ADGRB3: variants seen among roughly 807,000 people sequenced by gnomAD.
The protein encoded by ADGRB3 is adhesion G protein-coupled receptor B3.
ADGRB3 carries 37 observed loss-of-function variants against 193.4 expected under a neutral mutation model. The ratio of observed to expected loss-of-function variants is 0.19; its 90% confidence interval spans 0.15 to 0.25. The LOEUF is 0.25. ADGRB3 is among the 10% of genes least tolerant of loss of function. The pLI, the probability that ADGRB3 is intolerant of heterozygous loss-of-function variation, is 1.00. For synonymous variants in ADGRB3, 690 were observed against 644.2 expected (o/e 1.07, Z -1.08); for missense variants, 1,637 against 1,852.9 (o/e 0.88, Z 2.14).
chr6:68,830,190 T>C (rs1261379697), intron 3 of ADGRB3, among the ~76,000 whole-genome samples: 1 of 152,186 alleles, frequency 6.6e-6, no homozygotes, highest in Non-Finnish European at 1.5e-5. Flanking sequence ...CATTAGCAAG[T>C]ATTATTTTTG....
At chr6:68,753,153 AT>A (rs2127347993) in intron 3 of ADGRB3, among the ~76,000 whole-genome samples, 1 of 152,300 alleles carries the variant, frequency 6.6e-6, no homozygotes, top group Non-Finnish European at 1.5e-5. Context: ...ATAATACACT[AT>A]CCATGATTTT....
chr6:68,656,536 T>G (rs888927870), intron 3 of ADGRB3, among the ~76,000 whole-genome samples: 2 of 151,612 alleles, frequency 1.3e-5, no homozygotes, highest in African/African-American at 4.8e-5. Flanking sequence ...CAACATAAAC[T>G]TGTAAATTTG....
chr6:68,900,799 C>T (rs1382504998), intron 3 of ADGRB3, among the ~76,000 whole-genome samples: 1 of 152,088 alleles, frequency 6.6e-6, no homozygotes, highest in African/African-American at 2.4e-5. Context: ...TGAACCATTT[C>T]CATCATAGAA....
At chr6:69,006,507 T>C (rs1448790475) in intron 11 of ADGRB3, among the ~76,000 whole-genome samples, 2 of 151,880 alleles carry the variant, frequency 1.3e-5, no homozygotes. Flanking sequence ...GAGTCTTTTT[T>C]TTTTTCTTTT....
intron 3 of ADGRB3, among the ~76,000 whole-genome samples, chr6:68,865,452 T>C (rs572306988): frequency 1.4e-4 from 21 of 152,238 alleles, no homozygotes; most frequent in African/African-American, 4.6e-4. Context: ...GAAGAAATCC[T>C]GATTCTCTCA....
chr6:68,955,889 G>A (rs558869261), intron 6 of ADGRB3, 135 bp from the exon 7 acceptor site: 3 of 744,500 alleles, frequency 4.0e-6, no homozygotes, highest in East Asian at 3.0e-5. Flanking sequence ...TCTCATGCTG[G>A]TGTGACCTTC....
At chr6:69,237,944 C>G (rs1218316629) in intron 19 of ADGRB3, among the ~76,000 whole-genome samples, 2 of 151,950 alleles carry the variant, frequency 1.3e-5, no homozygotes, top group Admixed American at 1.3e-4. Flanking sequence ...CTAAGTTAGT[C>G]CCATTTGAGT....
At chr6:69,096,632 G>A (rs1228437714) in intron 17 of ADGRB3, among the ~76,000 whole-genome samples, 1 of 152,054 alleles carries the variant, frequency 6.6e-6, no homozygotes, top group Non-Finnish European at 1.5e-5. Context: ...CATAGTTTGT[G>A]CTTAACTTTT....
chr6:69,198,305 T>G (rs1460444460), intron 17 of ADGRB3, among the ~76,000 whole-genome samples: 7 of 152,062 alleles, frequency 4.6e-5, no homozygotes, highest in Admixed American at 4.6e-4. Flanking sequence ...CCAGGTGCTG[T>G]GCAGGGTGAT....
chr6:69,372,631 G>C (rs567175679), intron 30 of ADGRB3, among the ~76,000 whole-genome samples, 190 bp downstream of exon 30: 1 of 151,920 alleles, frequency 6.6e-6, no homozygotes, highest in East Asian at 1.9e-4. Context: ...ATTACTTCAA[G>C]TATTTGCTAA....
At chr6:68,987,659 C>A (rs2150272044) in intron 10 of ADGRB3, among the ~76,000 whole-genome samples, 1 of 152,202 alleles carries the variant, frequency 6.6e-6, no homozygotes, top group East Asian at 1.9e-4. Flanking sequence ...GGGCTCAAAT[C>A]TCCATAGTCA....
At chr6:68,966,439 C>G (rs1768382940) in intron 8 of ADGRB3, among the ~76,000 whole-genome samples, 1 of 152,158 alleles carries the variant, frequency 6.6e-6, no homozygotes. Context: ...AATCACCCAC[C>G]TCTACTTATC....
Position 69,358,935 on chromosome 6 carries a change from AT to A in ADGRB3, c.3596-1926del, listed in dbSNP as rs138093875. Among the ~76,000 whole-genome samples the A allele has an allele frequency of 1.2e-4, 17 of 140,564 alleles. No individual in the cohort carries two copies. In the East Asian group the frequency reaches 2.2e-3, roughly 18 times the overall value. 92.2% of individuals were successfully genotyped at this position (140,564 alleles called of 152,430 possible). A position where few individuals can be genotyped will look rare whatever the true frequency, so the allele number is the denominator to read the frequency against. Reference sequence around the variant, plus strand: ...TACACACACACGTATATATATATATATTTTTTTTCAGCAAACACAACTATAT... The same window carrying A: ...TACACACACACGTATATATATATATATTTTTTTCAGCAAACACAACTATAT... On this transcript the variant is annotated intron_variant, in intron 28 of 31. Transcript: ENST00000370598.
At chr6:69,328,921 G>C (rs1189389394) in intron 22 of ADGRB3, among the ~76,000 whole-genome samples, 2 of 152,030 alleles carry the variant, frequency 1.3e-5, no homozygotes, top group Non-Finnish European at 2.9e-5. Flanking sequence ...AATAAGTAAG[G>C]TTATATATGT....
intron 11 of ADGRB3, among the ~76,000 whole-genome samples, chr6:69,007,110 G>T (rs1279571055): frequency 6.6e-6 from 1 of 152,036 alleles, no homozygotes; most frequent in Non-Finnish European, 1.5e-5. Flanking sequence ...CTTCTTATGT[G>T]GTAGCATGGC....
chr6:68,928,297 G>C (rs1364625050), intron 3 of ADGRB3, among the ~76,000 whole-genome samples: 1 of 152,094 alleles, frequency 6.6e-6, no homozygotes, highest in African/African-American at 2.4e-5. Flanking sequence ...AAGCAGAGGT[G>C]GGAGGATCCC....
At chr6:69,388,401 G>T (rs546226670) in intron 31 of ADGRB3, among the ~76,000 whole-genome samples, 92 of 151,914 alleles carry the variant, frequency 6.1e-4, no homozygotes, top group Non-Finnish European at 1.1e-3. Flanking sequence ...TCAACATATG[G>T]TCATACTGAC....
intron 17 of ADGRB3, among the ~76,000 whole-genome samples, chr6:69,166,986 T>A (rs1485187467): frequency 6.6e-6 from 1 of 152,168 alleles, no homozygotes; most frequent in Non-Finnish European, 1.5e-5. Context: ...TATGCAAATC[T>A]TAATCTGATG....
chr6:69,298,280 G>A (rs1767872634), intron 20 of ADGRB3, among the ~76,000 whole-genome samples: 1 of 151,930 alleles, frequency 6.6e-6, no homozygotes, highest in Non-Finnish European at 1.5e-5. Flanking sequence ...CTTGCTAACT[G>A]ATAGACTCAG....
Sources: allele counts gnomAD v4.1 joint callset (sites outside exome capture counted in the v4.1 genomes callset), GRCh38; gene constraint gnomAD v4.1.1; transcripts MANE v1.5; gene names NCBI Gene and HGNC (gene_info 2026-07-23, HGNC 2026-07-21).